The following GRM7 variants were observed in gnomAD, a reference collection of about 807,000 sequenced individuals.
GRM7 encodes the protein metabotropic glutamate receptor 7.
In GRM7, 35 loss-of-function variants were observed where a neutral mutation model predicts 84.5. The ratio of observed to expected loss-of-function variants is 0.41; its 90% CI spans 0.32 to 0.55. The LOEUF is 0.55. Among genes scored for constraint, GRM7 ranks in the 20% least tolerant of loss-of-function variants. The pLI is 0.19. For synonymous variants in GRM7, 487 were observed against 455.1 expected, an observed-to-expected ratio of 1.07 and a Z score of -0.89; for missense variants, 1,003 against 1,194.6, an observed-to-expected ratio of 0.84 and a Z score of 2.36.
chr3:7,693,357 G>A (rs942491649), intron 9 of GRM7, among the ~76,000 whole-genome samples: 2 of 152,092 alleles, frequency 1.3e-5, no homozygotes, highest in Non-Finnish European at 2.9e-5. Flanking sequence ...AATGTGAAAA[G>A]CTAATTCCCC....
chr3:7,433,882 G>A (rs924359), intron 5 of GRM7, among the ~76,000 whole-genome samples: 2 of 152,114 alleles, frequency 1.3e-5, no homozygotes, highest in Non-Finnish European at 2.9e-5. Context: ...GAGAGAAGCA[G>A]CAGTTTTATT....
intron 1 of GRM7, among the ~76,000 whole-genome samples, chr3:7,084,492 T>C (rs1029795120): frequency 4.6e-5 from 7 of 152,140 alleles, no homozygotes; most frequent in Non-Finnish European, 8.8e-5. Flanking sequence ...GCTCATGGGA[T>C]TGACCAGTGG....
intron 4 of GRM7, among the ~76,000 whole-genome samples, chr3:7,326,332 G>A (rs903570089): frequency 6.6e-6 from 1 of 152,112 alleles, no homozygotes; most frequent in African/African-American, 2.4e-5. Flanking sequence ...TCTTAGGTGG[G>A]ACGGCAGGTG....
intron 1 of GRM7, among the ~76,000 whole-genome samples, chr3:6,987,290 G>A (rs994791878): frequency 6.6e-6 from 1 of 152,018 alleles, no homozygotes; most frequent in Non-Finnish European, 1.5e-5. Context: ...ATGAATAAAT[G>A]CAGACAATTT....
At chr3:7,333,782 C>A (rs1701301005) in intron 4 of GRM7, among the ~76,000 whole-genome samples, 4 of 151,768 alleles carry the variant, frequency 2.6e-5, no homozygotes, top group Admixed American at 2.0e-4. Context: ...ATCAAAACTT[C>A]TGGAAAATAA....
chr3:7,123,763 T>A (rs747749855), intron 1 of GRM7, among the ~76,000 whole-genome samples: 9 of 152,206 alleles, frequency 5.9e-5, no homozygotes, highest in Non-Finnish European at 1.2e-4. Context: ...TTCCTGGATT[T>A]GCCTATGCTT....
intron 2 of GRM7, among the ~76,000 whole-genome samples, chr3:7,228,394 G>A (rs1187037486): frequency 6.6e-6 from 1 of 151,396 alleles, no homozygotes; most frequent in South Asian, 2.1e-4. Flanking sequence ...ATAAAGGATT[G>A]GAAACAAAAT....
chr3:7,080,941 G>A (rs1291946145), intron 1 of GRM7, among the ~76,000 whole-genome samples: 1 of 151,980 alleles, frequency 6.6e-6, no homozygotes, highest in Non-Finnish European at 1.5e-5. Flanking sequence ...GTATAATGGA[G>A]TAAGAAACAG....
intron 1 of GRM7, among the ~76,000 whole-genome samples, chr3:6,869,221 C>G (rs1469681542): frequency 6.6e-6 from 1 of 152,070 alleles, no homozygotes; most frequent in Non-Finnish European, 1.5e-5. Context: ...TTTAAATCCA[C>G]ACACTCCACT....
At chr3:7,527,931 AT>A (rs1700872113) in intron 7 of GRM7, among the ~76,000 whole-genome samples, 2 of 151,360 alleles carry the variant, frequency 1.3e-5, no homozygotes, top group South Asian at 4.2e-4. Context: ...TTTTGCTGGT[AT>A]TTTGTTGAGA....
chr3:6,897,456 C>A (rs918512415), intron 1 of GRM7, among the ~76,000 whole-genome samples: 2 of 152,164 alleles, frequency 1.3e-5, no homozygotes, highest in Non-Finnish European at 2.9e-5. Flanking sequence ...AAGCTTGGAG[C>A]AGACCTGACT....
intron 2 of GRM7, among the ~76,000 whole-genome samples, chr3:7,173,228 C>G (rs1695040901): frequency 6.6e-6 from 1 of 152,196 alleles, no homozygotes; most frequent in Admixed American, 6.5e-5. Context: ...ATGAAGTTAA[C>G]TACATTCAAA....
At chr3:7,337,337 C>T (rs142550936) in intron 4 of GRM7, among the ~76,000 whole-genome samples, 9 of 152,190 alleles carry the variant, frequency 5.9e-5, no homozygotes, top group Non-Finnish European at 1.0e-4. Context: ...AAAACCTCTT[C>T]TAGATGTTAG....
At chr3:7,659,897 G>A (rs899480825) in intron 8 of GRM7, among the ~76,000 whole-genome samples, 1 of 152,146 alleles carries the variant, frequency 6.6e-6, no homozygotes, top group Admixed American at 6.5e-5. Flanking sequence ...TGGTACTAGG[G>A]CTAGGCAAAC....
intron 8 of GRM7, among the ~76,000 whole-genome samples, chr3:7,620,998 G>A (rs764186048): frequency 7.9e-5 from 12 of 152,072 alleles, no homozygotes; most frequent in Admixed American, 3.9e-4. Context: ...CCAGGGTGTC[G>A]TAGTCTTAGC....
intron 2 of GRM7, among the ~76,000 whole-genome samples, chr3:7,229,747 A>ATTT (rs1697112865): frequency 1.7e-4 from 5 of 29,764 alleles, no homozygotes; most frequent in Middle Eastern, 0.017. Flanking sequence ...ATATATATAT[A>ATTT]TATATATATA....
chr3:7,194,866 G>A (rs375138423), intron 2 of GRM7, among the ~76,000 whole-genome samples: 1 of 152,234 alleles, frequency 6.6e-6, no homozygotes, highest in East Asian at 1.9e-4. Flanking sequence ...TACAGTCACA[G>A]CACTTACTGC....
intron 2 of GRM7, among the ~76,000 whole-genome samples, chr3:7,259,953 G>GTTTTTTTT (rs1164961076): frequency 1.2e-4 from 11 of 89,660 alleles, no homozygotes; most frequent in South Asian, 8.2e-4. Context: ...ACCAGCATCT[G>GTTTTTTTT]TTTTTTTTTT....
chr3:7,145,680 C>T (rs1351917681), intron 1 of GRM7, among the ~76,000 whole-genome samples: 1 of 151,990 alleles, frequency 6.6e-6, no homozygotes, highest in East Asian at 1.9e-4. Context: ...AGTTCTAGAG[C>T]TCTTCAGGAC....
Sources: allele counts gnomAD v4.1 joint callset (sites outside exome capture counted in the v4.1 genomes callset), GRCh38; gene constraint gnomAD v4.1.1; transcripts MANE v1.5; gene names NCBI Gene and HGNC (gene_info 2026-07-23, HGNC 2026-07-21).